Variants in MAS1 observed in about 807,000 individuals in gnomAD.
MAS1 encodes the protein MAS1 proto-oncogene, G protein-coupled receptor, also known as proto-oncogene Mas.
For synonymous variants in MAS1, 163 were observed against 164.2 expected (o/e 0.99, Z 0.05); for missense variants, 387 against 409.7 (o/e 0.94, Z 0.48).
intron 1 of MAS1, among the ~76,000 whole-genome samples, chr6:159,895,005 T>C (rs1357793804): frequency 6.6e-6 from 1 of 152,226 alleles, no homozygotes; most frequent in Non-Finnish European, 1.5e-5. Flanking sequence ...ATCCATCCTT[T>C]GATAAATTAA....
chr6:159,889,539 A>T (rs544494205), upstream of MAS1, among the ~76,000 whole-genome samples: 1 of 151,832 alleles, frequency 6.6e-6, no homozygotes, highest in Admixed American at 6.6e-5. Context: ...TTCCCTAATC[A>T]TGTTTTCTTC....
At chr6:159,906,172 T>G (rs1782883836) in intron 2 of MAS1, among the ~76,000 whole-genome samples, 1 of 152,218 alleles carries the variant, frequency 6.6e-6, no homozygotes, top group African/African-American at 2.4e-5. Flanking sequence ...GTGCTTTGTC[T>G]GGCATCTGGC....
intron 2 of MAS1, among the ~76,000 whole-genome samples, chr6:159,901,174 G>A (rs1340410088): frequency 6.6e-6 from 1 of 152,002 alleles, no homozygotes; most frequent in East Asian, 1.9e-4. Context: ...TTGGATTAGG[G>A]CCCCACTCTT....
intron 2 of MAS1, among the ~76,000 whole-genome samples, chr6:159,904,603 C>G (rs933859778): frequency 1.3e-5 from 2 of 152,336 alleles, no homozygotes; most frequent in East Asian, 1.9e-4. Context: ...CACCTGACCT[C>G]CTCCTTCCTG....
rs562444554 is a variant in MAS1 at position 159,906,656 on chromosome 6, C to G, written c.-36-264C>G. ...CTCCTTTTTGGCACTAAGCCACAAG[C>G]ACACAATGATATAGAATGAATGGTT... is the stretch of plus-strand genomic sequence containing the variant. On this transcript the variant is annotated intron_variant, in intron 2 of 2. Coordinates refer to ENST00000674077, the MANE Select transcript of MAS1 (RefSeq NM_002377.4). The G allele has an allele frequency of 9.9e-4, 265 of 269,026 alleles. 2 individuals carry two copies. The highest frequency in any genetic ancestry group is 8.7e-4 in the Non-Finnish European group (124 of 142,134). The allele number at this position is 269,026 out of a possible 1,614,324, so 16.7% of individuals were successfully genotyped here. A position where few individuals can be genotyped will look rare whatever the true frequency, so the allele number is the denominator to read the frequency against.
chr6:159,911,806 G>A lies in MAS1; in HGVS notation c.*3873G>A, dbSNP rs111386065. 0.029 allele frequency: 4,467 copies of A among 152,160 alleles called. 98 individuals are homozygous for A. The highest frequency in any genetic ancestry group is 0.078 in the South Asian group (373 of 4,794). The allele number at this position is 152,160 out of a possible 1,614,324, so 9.4% of individuals were successfully genotyped here. On this transcript the variant is annotated 3_prime_UTR_variant, in exon 3 of 3. Coordinates refer to ENST00000674077, the MANE Select transcript of MAS1 (RefSeq NM_002377.4). ...CGGAAGAACTCTTCCAGACATCCCC[G>A]CTGTCCCCTCTGCTGACCTAGCTCC...
rs1323279382 is a variant in MAS1, at chr6:159,917,167, T to C, written c.*9234T>C. ...CCTCGGTGGTGGCAAATCTTCCTTGTTTCCTGGTGGATTTAACTTTGCAGA... is the reference window on the plus strand; with the variant it reads ...CCTCGGTGGTGGCAAATCTTCCTTGCTTCCTGGTGGATTTAACTTTGCAGA... On this transcript the variant is annotated 3_prime_UTR_variant, in exon 3 of 3. Transcript: ENST00000674077. Among the ~76,000 whole-genome samples the C allele has an allele frequency of 1.3e-5, 2 of 152,124 alleles. No individual in the cohort carries two copies. Among genetic ancestry groups the C allele is most frequent in the Non-Finnish European group, 2.9e-5 (2 of 68,020 alleles).
rs1023728315 is a variant in MAS1 at position 159,908,759 on chromosome 6, C to T, written c.*826C>T. ...CCACCAGTAGAGGAGTTTCTCATGG[C>T]TCCCCTTCCCTCTGTGGGAATACTA... On this transcript the variant is annotated 3_prime_UTR_variant, in exon 3 of 3. Coordinates refer to ENST00000674077, the MANE Select transcript of MAS1 (RefSeq NM_002377.4). The T allele has an allele frequency of 2.0e-5, 3 of 152,012 alleles. No homozygotes were observed. Among genetic ancestry groups the T allele is most frequent in the Non-Finnish European group, 4.4e-5 (3 of 68,010 alleles). The allele number at this position is 152,012 out of a possible 1,614,324, so 9.4% of individuals were successfully genotyped here. A position where few individuals can be genotyped will look rare whatever the true frequency, so the allele number is the denominator to read the frequency against.
chr6:159,900,578 A>G (rs1446987682), intron 2 of MAS1, among the ~76,000 whole-genome samples: 1 of 152,198 alleles, frequency 6.6e-6, no homozygotes, highest in Non-Finnish European at 1.5e-5. Flanking sequence ...TCGTTTTTGA[A>G]TGAGAACTAG....
Position 159,911,638 on chromosome 6 carries a change from A to T in MAS1, c.*3705A>T, listed in dbSNP as rs1782966295. Reference sequence around the variant, plus strand: ...TCCATCTACGTCCAGCTCAAGCATTAGAGACTCAGGAGAGCCTCTGGAAGC... The same window carrying T: ...TCCATCTACGTCCAGCTCAAGCATTTGAGACTCAGGAGAGCCTCTGGAAGC... On this transcript the variant is annotated 3_prime_UTR_variant, in exon 3 of 3. Transcript: ENST00000674077. 1 of 152,070 alleles carries T rather than the reference A, an allele frequency of 6.6e-6. No individual in the cohort carries two copies. The highest frequency in any genetic ancestry group is 1.5e-5 in the Non-Finnish European group (1 of 68,068). 9.4% of individuals were successfully genotyped at this position (152,070 alleles called of 1,614,324 possible).
intron 2 of MAS1, among the ~76,000 whole-genome samples, chr6:159,904,325 C>A (rs1020261193): frequency 6.6e-6 from 1 of 152,166 alleles, no homozygotes; most frequent in African/African-American, 2.4e-5. Flanking sequence ...TATACCCAAG[C>A]TACAACTTTC....
At position 159,907,743 on chromosome 6, in the gene MAS1, A is replaced by T; in HGVS notation, c.788A>T (p.His263Leu). Residue 263 changes from histidine to leucine, a missense_variant, in exon 3 of 3, where the codon CAC (histidine) becomes CTC (leucine). Physicochemically the swap from His to Leu is moderately conservative, Grantham distance 99. Coordinates refer to ENST00000674077, the MANE Select transcript of MAS1 (RefSeq NM_002377.4). ...TGGTCGACCTTTGGGAACCTACACC[A>T]CATTTCCCTGCTCTTCTCCACAATC... ...EYWSTFGNLH[H>L]ISLLFSTINS... 1 of 1,613,620 alleles carries T rather than the reference A, an allele frequency of 6.2e-7. No individual in the cohort carries two copies.
chr6:159,900,443 C>T (rs190844093), intron 2 of MAS1, among the ~76,000 whole-genome samples: 48 of 152,282 alleles, frequency 3.2e-4, no homozygotes, highest in African/African-American at 9.1e-4. Flanking sequence ...AGGCATTTCT[C>T]GCCATCTGCT....
chr6:159,907,967 G>A lies in MAS1; in HGVS notation c.*34G>A, dbSNP rs542883049. 4.5e-6 allele frequency: 7 copies of A among 1,545,510 alleles called. No individual in the cohort carries two copies. In the South Asian group the frequency reaches 7.6e-5, roughly 17 times the overall value. ...AGGGAAGTTGTGGATAAAAATGGTG[G>A]AACACAGGTCATTTTTAGTTTGTGC... On this transcript the variant is annotated 3_prime_UTR_variant, in exon 3 of 3. Transcript: ENST00000674077.
chr6:159,892,083 G>T (rs1239701919), intron 1 of MAS1, among the ~76,000 whole-genome samples: 1 of 152,120 alleles, frequency 6.6e-6, no homozygotes, highest in Non-Finnish European at 1.5e-5. Flanking sequence ...TTAGACCAGG[G>T]CTCTAAATTG....
chr6:159,897,789 C>T (rs1250761078), intron 1 of MAS1, among the ~76,000 whole-genome samples: 2 of 152,022 alleles, frequency 1.3e-5, no homozygotes, highest in Non-Finnish European at 2.9e-5. Flanking sequence ...GCTCTTTGAA[C>T]AGGCAGGTGT....
In MAS1 at chr6:159,899,869, A is replaced by C. The variant is rs543738430; in HGVS notation, c.-37+477A>C. On this transcript the variant is annotated intron_variant, in intron 2 of 2. Transcript: ENST00000674077. ...ATGACCAGTCTGGCCAAGATGGTGA[A>C]ACCCCGTCTCTACTAAAAATACAAA... Among the ~76,000 whole-genome samples, 3 of 152,076 alleles carry C rather than the reference A, an allele frequency of 2.0e-5. No homozygotes were observed. The South Asian group carries it at 6.2e-4, about 32-fold the overall frequency.
At position 159,907,779 on chromosome 6, in the gene MAS1, C is replaced by T; in HGVS notation, c.824C>T (p.Ala275Val). ...SLLFSTINSS[A>V]NPFIYFFVGS... ...CTCTTCTCCACAATCAACAGTAGCG[C>T]CAACCCTTTCATTTACTTCTTTGTG... Residue 275 changes from alanine (A) to valine (V), a missense_variant, in exon 3 of 3, where the codon GCC becomes GTC. By Grantham distance (64) the Ala-to-Val change is moderately conservative. Coordinates refer to ENST00000674077, the MANE Select transcript of MAS1 (RefSeq NM_002377.4). 1 of 1,613,490 alleles carries T rather than the reference C, an allele frequency of 6.2e-7. No individual in the cohort carries two copies. Among genetic ancestry groups the T allele is most frequent in the Non-Finnish European group, 8.5e-7 (1 of 1,179,938 alleles).
chr6:159,897,121 G>T lies in MAS1; in HGVS notation c.-243-2065G>T, dbSNP rs554401604. 3.3e-5 allele frequency among the ~76,000 whole-genome samples: 5 copies of T among 152,218 alleles called. No homozygotes were observed. The South Asian group carries it at 1.0e-3, about 32-fold the overall frequency. ...GATCTCCTGACCTTGTGATCCGCCC[G>T]CCTCGGCCTCCCAAAGTGCTGGGAT... On this transcript the variant is annotated intron_variant, in intron 1 of 2. Transcript: ENST00000674077.
Sources: allele counts gnomAD v4.1 joint callset (sites outside exome capture counted in the v4.1 genomes callset), GRCh38; gene constraint gnomAD v4.1.1; transcripts MANE v1.5; gene names NCBI Gene and HGNC (gene_info 2026-07-23, HGNC 2026-07-21).